C1orf159: variants seen among roughly 807,000 people sequenced by gnomAD.
C1orf159 encodes the protein chromosome 1 open reading frame 159, also known as uncharacterized protein C1orf159.
Under a neutral mutation model 25.6 loss-of-function variants are expected in C1orf159, and 19 were observed. The ratio of observed to expected loss-of-function variants is 0.74; its 90% CI spans 0.52 to 1.09. The LOEUF (loss-of-function observed/expected upper bound fraction) is 1.09, where lower values mean the gene tolerates loss of function less well. C1orf159 is among the 50% of genes least tolerant of loss of function. The pLI is 0.00. For missense variants in C1orf159, 274 were observed against 290.6 expected (o/e 0.94, Z 0.42); for synonymous variants, 139 against 124.7 (o/e 1.12, Z -0.77).
Position 1,095,833 on chromosome 1 carries a change from G to A in C1orf159, c.-135-3730C>T, listed in dbSNP as rs537617676. The stretch of plus-strand genomic sequence containing the variant: ...ATAGATGTTCATTTATCAGACTCAG[G>A]GAGTTTCCTTCTATTCTTAGTTTAC... On this transcript the variant is annotated intron_variant, in intron 1 of 9. Transcript: ENST00000421241. Among the ~76,000 whole-genome samples the A allele has an allele frequency of 1.3e-4, 20 of 151,998 alleles. No homozygotes were observed. The East Asian group carries it at 3.3e-3, about 25-fold the overall frequency.
rs985636415 is a variant in C1orf159 at position 1,110,246 on chromosome 1, C to T, written c.-136+5814G>A. On this transcript the variant is annotated intron_variant, in intron 1 of 9. Coordinates refer to ENST00000421241, the MANE Select transcript of C1orf159 (RefSeq NM_017891.5). The surrounding 1 kb of genome is among the most constrained non-coding windows in gnomAD (Gnocchi z 4.8). ...TAACCAGGTGTGTCCAACCTCCCATCCTTTTATGGCCGGAAACTCAATTTT... is the reference window on the plus strand; with the variant it reads ...TAACCAGGTGTGTCCAACCTCCCATTCTTTTATGGCCGGAAACTCAATTTT... 1.4e-4 allele frequency among the ~76,000 whole-genome samples: 21 copies of T among 152,192 alleles called. No individual in the cohort carries two copies. The highest frequency in any genetic ancestry group is 5.9e-5 in the Non-Finnish European group (4 of 68,034).
At chr1:1,086,035 A>G (rs3737728) in intron 6 of C1orf159, 23 bp from the exon 7 acceptor site, 1,186,731 of 1,610,786 alleles carry the variant, frequency 0.74, 438,884 homozygotes, top group East Asian at 0.91. Context: ...ACCGCTGAGC[A>G]GACGGGCAGG....
intron 1 of C1orf159, among the ~76,000 whole-genome samples, chr1:1,100,301 T>C (rs895488038): frequency 6.6e-6 from 1 of 151,070 alleles, no homozygotes; most frequent in African/African-American, 2.5e-5. Flanking sequence ...CTGTTATGGG[T>C]AGATGTAGGT....
chr1:1,087,965 C>T lies in C1orf159; in HGVS notation c.149-368G>A, dbSNP rs1013725271. Among the ~76,000 whole-genome samples the T allele has an allele frequency of 3.3e-5, 5 of 152,026 alleles. No homozygotes were observed. Among genetic ancestry groups the T allele is most frequent in the African/African-American group, 1.2e-4 (5 of 41,438 alleles). On this transcript the variant is annotated intron_variant, in intron 4 of 9. Transcript: ENST00000421241. This position sits in a 1 kb window ranked among gnomAD's most constrained non-coding sequence, Gnocchi z 8.3. ...GCCGAGCACCCCGGCCCTGAGCACCCCGACCCTGAGTACTCCACACTGCGT... is the reference window on the plus strand; with the variant it reads ...GCCGAGCACCCCGGCCCTGAGCACCTCGACCCTGAGTACTCCACACTGCGT...
Position 1,082,723 on chromosome 1 carries a change from C to G in C1orf159, c.*170G>C. 1 of 638,658 alleles carries G rather than the reference C, an allele frequency of 1.6e-6. No homozygotes were observed. 39.6% of individuals were successfully genotyped at this position (638,658 alleles called of 1,614,324 possible). ...TGTGGTGGGGAGGAGCCTCAGGCGG[C>G]CCGGGACCCTTTGGCGTCCGTCGCT... On this transcript the variant is annotated 3_prime_UTR_variant, in exon 10 of 10. Coordinates refer to ENST00000421241, the MANE Select transcript of C1orf159 (RefSeq NM_017891.5).
chr1:1,094,853 A>G lies in C1orf159; in HGVS notation c.-135-2750T>C, dbSNP rs528086397. Among the ~76,000 whole-genome samples the G allele has an allele frequency of 9.0e-4, 137 of 152,288 alleles. No individual in the cohort carries two copies. The Middle Eastern group carries it at 0.031, about 34-fold the overall frequency. ...CTCTGCCTTGACCTCATGGTCACTA[A>G]GATTTACTGCTTTCTTCCAGAAGTG... is the stretch of plus-strand genomic sequence containing the variant. On this transcript the variant is annotated intron_variant, in intron 1 of 9. Coordinates refer to ENST00000421241, the MANE Select transcript of C1orf159 (RefSeq NM_017891.5).
intron 3 of C1orf159, 167 bp from the exon 4 acceptor site, chr1:1,090,595 C>G: frequency 2.7e-6 from 2 of 746,784 alleles, no homozygotes; most frequent in Non-Finnish European, 4.4e-6. Flanking sequence ...GGCCTGGGAG[C>G]AAGGAGGGGC....
At chr1:1,088,961 C>A (rs764395032) in intron 4 of C1orf159, among the ~76,000 whole-genome samples, 2 of 152,208 alleles carry the variant, frequency 1.3e-5, no homozygotes, top group African/African-American at 4.8e-5. Context: ...CATCTCCTGG[C>A]ACAGGGCTCG....
At chr1:1,101,189 T>TA (rs1646095087) in intron 1 of C1orf159, among the ~76,000 whole-genome samples, 1 of 152,212 alleles carries the variant, frequency 6.6e-6, no homozygotes, top group South Asian at 2.1e-4. Flanking sequence ...TCTCCATAAT[T>TA]ACTCACAAAC....
chr1:1,096,668 C>T (rs1646013072), intron 1 of C1orf159, among the ~76,000 whole-genome samples: 1 of 152,144 alleles, frequency 6.6e-6, no homozygotes, highest in Non-Finnish European at 1.5e-5. Context: ...TATATTCTTC[C>T]AAGAGTTTAT....
intron 1 of C1orf159, chr1:1,115,223 C>T (rs1327135670): frequency 6.6e-6 from 1 of 152,236 alleles, no homozygotes; most frequent in South Asian, 2.1e-4. Flanking sequence ...CCCCCGAACA[C>T]CTGGGCTTAA....
chr1:1,099,870 G>A (rs1308040353), intron 1 of C1orf159, among the ~76,000 whole-genome samples: 1 of 152,362 alleles, frequency 6.6e-6, no homozygotes, highest in South Asian at 2.1e-4. Flanking sequence ...AGAGAGAGAG[G>A]TTAAAATCTC....
intron 9 of C1orf159, chr1:1,084,143 G>C (rs774668139): frequency 1.3e-6 from 2 of 1,549,630 alleles, no homozygotes; most frequent in Non-Finnish European, 1.7e-6. Context: ...CGGGCAGGGG[G>C]CGCCGGCCAA....
At chr1:1,086,458 C>A (rs1645832154) in intron 6 of C1orf159, among the ~76,000 whole-genome samples, 2 of 152,254 alleles carry the variant, frequency 1.3e-5, no homozygotes, top group African/African-American at 4.8e-5. Flanking sequence ...CTCACCTCCA[C>A]CTGCCTGGGC....
At chr1:1,091,059 G>A in intron 3 of C1orf159, 2 of 1,235,616 alleles carry the variant, frequency 1.6e-6, no homozygotes, top group African/African-American at 1.5e-5. Flanking sequence ...CCAGGGAGGG[G>A]CCCAGGTCCG....
At position 1,085,991 on chromosome 1, in the gene C1orf159, G is replaced by A; in HGVS notation, c.332C>T (p.Ser111Phe). 6.2e-7 allele frequency: 1 copy of A among 1,613,102 alleles called. No individual in the cohort carries two copies. Among genetic ancestry groups the A allele is most frequent in the South Asian group, 1.1e-5 (1 of 91,082 alleles). Residue 111 changes from serine to phenylalanine, a missense_variant, in exon 7 of 10, where the codon TCC (serine) becomes TTC (phenylalanine). Physicochemically the swap from Ser to Phe is radical, Grantham distance 155. Transcript: ENST00000421241. ...PHPGAPRVAA[S>F]LFLGTFFISS... ...AATGAAGAACGTGCCCAGGAAGAGG[G>A]AGGCGGCCACGCGCGGAGCCCCTGC... is the stretch of plus-strand genomic sequence containing the variant.
intron 1 of C1orf159, among the ~76,000 whole-genome samples, chr1:1,103,577 G>T (rs1246546777): frequency 6.6e-6 from 1 of 152,148 alleles, no homozygotes; most frequent in Non-Finnish European, 1.5e-5. Flanking sequence ...GCACGCAGGG[G>T]TCAGGGGTCT....
At chr1:1,085,559 C>CCA (rs1645815378) in intron 7 of C1orf159, among the ~76,000 whole-genome samples, 1 of 152,218 alleles carries the variant, frequency 6.6e-6, no homozygotes, top group Admixed American at 6.5e-5. Flanking sequence ...GAGAGCCACC[C>CCA]AGCCCCGCTC....
intron 9 of C1orf159, 100 bp from the exon 10 acceptor site, chr1:1,083,087 G>A (rs2100737103): frequency 1.0e-6 from 1 of 981,178 alleles, no homozygotes; most frequent in Non-Finnish European, 1.5e-6. Context: ...GTGGGCATAT[G>A]GCACAGGCGC....
Sources: allele counts gnomAD v4.1 joint callset (sites outside exome capture counted in the v4.1 genomes callset), GRCh38; gene constraint gnomAD v4.1.1; non-coding constraint Gnocchi (gnomAD v3.1); transcripts MANE v1.5; gene names NCBI Gene and HGNC (gene_info 2026-07-23, HGNC 2026-07-21).